The following EYS variants were observed in gnomAD, a reference collection of about 807,000 sequenced individuals.
The protein encoded by EYS is protein eyes shut homolog.
A neutral mutation model predicts 282.1 loss-of-function variants in EYS; 250 were observed. The observed-to-expected ratio is 0.89, with a 90% CI of 0.80 to 0.98. EYS has a LOEUF of 0.98. Ranked by LOEUF, EYS falls within the 50% of genes least tolerant of loss-of-function variation. The pLI, the probability that EYS is intolerant of heterozygous loss-of-function variation, is 0.00. For missense variants in EYS, 4,016 were observed against 3,709.0 expected, an observed-to-expected ratio of 1.08 and a Z score of -2.15; for synonymous variants, 1,355 against 1,282.9, an observed-to-expected ratio of 1.06 and a Z score of -1.20.
At chr6:65,006,503 CAAA>C (rs59057058) in intron 13 of EYS, among the ~76,000 whole-genome samples, 1,686 of 83,314 alleles carry the variant, frequency 0.02, 35 homozygotes, top group African/African-American at 0.075. Context: ...TATTCTAAGT[CAAA>C]AAAAAAAAAA....
intron 22 of EYS, among the ~76,000 whole-genome samples, chr6:64,794,315 T>C (rs9342428): frequency 0.48 from 72,351 of 151,992 alleles, 19,406 homozygotes; most frequent in Admixed American, 0.63. Context: ...TGGCTCTATG[T>C]CCTCACTAAA....
intron 22 of EYS, among the ~76,000 whole-genome samples, chr6:64,812,608 T>A (rs1438203331): frequency 6.6e-6 from 1 of 151,990 alleles, no homozygotes; most frequent in Non-Finnish European, 1.5e-5. Context: ...ATAAGTATAC[T>A]TTACTAGTAA....
chr6:64,203,222 T>C (rs1765516010), intron 31 of EYS, among the ~76,000 whole-genome samples: 1 of 152,212 alleles, frequency 6.6e-6, no homozygotes, highest in Non-Finnish European at 1.5e-5. Flanking sequence ...TGGAAGCCAG[T>C]TCGTGAACAG....
At chr6:63,910,422 C>G (rs76028471) in intron 35 of EYS, among the ~76,000 whole-genome samples, 8,284 of 152,110 alleles carry the variant, frequency 0.054, 293 homozygotes, top group South Asian at 0.13. Flanking sequence ...TTCTGTGTAC[C>G]GAAAGGTCAT....
chr6:64,304,509 T>C (rs1410268037), intron 30 of EYS, among the ~76,000 whole-genome samples: 1 of 151,850 alleles, frequency 6.6e-6, no homozygotes, highest in Non-Finnish European at 1.5e-5. Flanking sequence ...TGGAACATTT[T>C]CCAGGATAGA....
intron 12 of EYS, among the ~76,000 whole-genome samples, chr6:65,149,597 T>A (rs542668576): frequency 6.6e-6 from 1 of 151,634 alleles, no homozygotes; most frequent in South Asian, 2.1e-4. Context: ...TGAGACCACC[T>A]CTGGCTGGAC....
intron 8 of EYS, among the ~76,000 whole-genome samples, chr6:65,369,315 A>AATATATATAT (rs1765042116): frequency 4.4e-5 from 2 of 45,704 alleles, no homozygotes; most frequent in Non-Finnish European, 1.9e-4. Flanking sequence ...TAATATATAT[A>AATATATATAT]TTATATATAT....
At chr6:64,115,406 C>T (rs1012116496) in intron 31 of EYS, among the ~76,000 whole-genome samples, 1 of 152,128 alleles carries the variant, frequency 6.6e-6, no homozygotes, top group Admixed American at 6.5e-5. Flanking sequence ...TGAGCATGCT[C>T]ATAAGCTGGA....
Position 64,639,684 on chromosome 6 carries a change from G to C in EYS, c.3444-13439C>G. ...GGACTTCATGTCTAAAACACCAAAA[G>C]CAATGGCAACAAAAGACAAAATTGA... is the stretch of plus-strand genomic sequence containing the variant. On this transcript the variant is annotated intron_variant, in intron 22 of 42. Coordinates refer to ENST00000503581, the MANE Select transcript of EYS (RefSeq NM_001142800.2). 2.2e-5 allele frequency among the ~76,000 whole-genome samples: 2 copies of C among 90,714 alleles called. 1 individual carries two copies. The highest frequency in any genetic ancestry group is 4.9e-4 in the East Asian group (2 of 4,082). 59.5% of individuals were successfully genotyped at this position (90,714 alleles called of 152,430 possible).
At chr6:64,317,574 G>C (rs750608672) in intron 29 of EYS, among the ~76,000 whole-genome samples, 1 of 152,112 alleles carries the variant, frequency 6.6e-6, no homozygotes, top group African/African-American at 2.4e-5. Context: ...CTTTTACACT[G>C]TTGGTGGGAG....
rs200147282 is a variant in EYS, at chr6:65,123,541, G to A, written c.2024-65814C>T. ...AGCTTGACCTTCTAAGACAGTTTGT[G>A]ATAGGAATTCACTGCTCAAACCTAT... On this transcript the variant is annotated intron_variant, in intron 12 of 42. Coordinates refer to ENST00000503581, the MANE Select transcript of EYS (RefSeq NM_001142800.2). 3.9e-5 allele frequency among the ~76,000 whole-genome samples: 6 copies of A among 152,162 alleles called. No homozygotes were observed. In the East Asian group the frequency reaches 9.6e-4, roughly 24 times the overall value.
chr6:64,350,509 T>C (rs1309691291), intron 29 of EYS, among the ~76,000 whole-genome samples: 1 of 151,540 alleles, frequency 6.6e-6, no homozygotes, highest in African/African-American at 2.4e-5. Context: ...GCCAGTTGTA[T>C]GGATCTGGGC....
At chr6:64,082,575 G>GA (rs1481263446) in intron 31 of EYS, among the ~76,000 whole-genome samples, 2 of 151,920 alleles carry the variant, frequency 1.3e-5, no homozygotes, top group Non-Finnish European at 2.9e-5. Context: ...TCAATAAAGT[G>GA]AAAAAAATTC....
chr6:65,408,144 T>A (rs1200136416), intron 5 of EYS, among the ~76,000 whole-genome samples: 1 of 152,096 alleles, frequency 6.6e-6, no homozygotes, highest in Non-Finnish European at 1.5e-5. Context: ...AAAATCGTAC[T>A]TTATCAGGAT....
At chr6:63,957,328 G>A (rs1410507222) in intron 35 of EYS, among the ~76,000 whole-genome samples, 1 of 140,828 alleles carries the variant, frequency 7.1e-6, no homozygotes, top group Non-Finnish European at 1.6e-5. Context: ...ACAAGGCAGA[G>A]TGCAACCTTG....
chr6:64,798,613 T>TG (rs1311835695), intron 22 of EYS, among the ~76,000 whole-genome samples: 44 of 148,718 alleles, frequency 3.0e-4, no homozygotes, highest in Non-Finnish European at 5.7e-4. Flanking sequence ...TCTGGTTTTT[T>TG]TTTTTTTTTT....
intron 31 of EYS, among the ~76,000 whole-genome samples, chr6:64,226,960 A>G (rs188367505): frequency 6.6e-6 from 1 of 152,244 alleles, no homozygotes; most frequent in East Asian, 1.9e-4. Context: ...AAGTTGTTAA[A>G]ATAAAATATT....
rs1188604337 is a variant in EYS, at chr6:64,822,781, G to T, written c.3034C>A (p.Pro1012Thr). The T allele has an allele frequency of 6.5e-7, 1 of 1,549,936 alleles. No homozygotes were observed. Among genetic ancestry groups the T allele is most frequent in the South Asian group, 1.2e-5 (1 of 83,884 alleles). ...EINLDECLSE[P>T]CLHDGVCIDG... ...ATACAAACTCCATCATGGAGACAGGGCTCTGATAGGCATTCATCTAGATTT... is the reference window on the plus strand; with the variant it reads ...ATACAAACTCCATCATGGAGACAGGTCTCTGATAGGCATTCATCTAGATTT... Residue 1012 changes from proline (P) to threonine (T), a missense_variant, in exon 20 of 43, where the codon CCC becomes ACC. By Grantham distance (38) the Pro-to-Thr change is conservative. Transcript: ENST00000503581.
At chr6:64,404,716 G>GAACA (rs1049926262) in intron 28 of EYS, among the ~76,000 whole-genome samples, 27 of 152,080 alleles carry the variant, frequency 1.8e-4, no homozygotes, top group Non-Finnish European at 3.4e-4. Context: ...AAATGTCAGG[G>GAACA]AACACACTCC....
Sources: gnomAD v4.1 joint callset for allele counts (sites outside exome capture counted in the v4.1 genomes callset) on GRCh38, gnomAD v4.1.1 for gene constraint, MANE v1.5 for transcripts, NCBI Gene and HGNC (gene_info 2026-07-23, HGNC 2026-07-21) for gene names.